INO80D: variants seen among roughly 807,000 people sequenced by gnomAD.
INO80D encodes INO80 complex subunit D.
INO80D carries 21 observed loss-of-function variants against 87.6 expected under a neutral mutation model. The observed-to-expected ratio is 0.24, with a 90% CI of 0.17 to 0.35. INO80D has a LOEUF of 0.35. Ranked by LOEUF, INO80D falls within the 10% of genes least tolerant of loss-of-function variation. The pLI is 1.00. For missense variants in INO80D, 982 were observed against 1,280.7 expected (o/e 0.77, Z 3.56); for synonymous variants, 440 against 491.0 (o/e 0.90, Z 1.37).
chr2:206,010,986 C>T (rs1013162416), intron 8 of INO80D, among the ~76,000 whole-genome samples: 1 of 149,290 alleles, frequency 6.7e-6, no homozygotes, highest in Non-Finnish European at 1.5e-5. Context: ...GCTGAGGCAA[C>T]GGAATTGCTT....
intron 9 of INO80D, chr2:206,007,835 A>AC (rs1264999185): frequency 1.3e-5 from 2 of 154,180 alleles, no homozygotes; most frequent in African/African-American, 2.4e-5. Context: ...AAAAAAAACA[A>AC]CCAAAATCAA....
chr2:206,019,865 G>A lies in INO80D; in HGVS notation c.1299-20C>T. 1 of 1,584,176 alleles carries A rather than the reference G, an allele frequency of 6.3e-7. No homozygotes were observed. On this transcript the variant is annotated intron_variant, in intron 6 of 10. Transcript: ENST00000403263. Reference sequence around the variant, plus strand: ...CTTATGCTAAGGAAAGAAAAACAGAGAATTAATTTTTTTTTAATGCTTTAA... The same window carrying A: ...CTTATGCTAAGGAAAGAAAAACAGAAAATTAATTTTTTTTTAATGCTTTAA...
At chr2:206,039,119 TG>T (rs1159836135) in intron 5 of INO80D, among the ~76,000 whole-genome samples, 9 of 152,144 alleles carry the variant, frequency 5.9e-5, no homozygotes, top group Non-Finnish European at 1.3e-4. Context: ...ATAAAGGGGC[TG>T]GGGGCGGTAC....
chr2:206,023,958 C>A (rs1445334305), intron 6 of INO80D, among the ~76,000 whole-genome samples: 1 of 152,128 alleles, frequency 6.6e-6, no homozygotes, highest in Non-Finnish European at 1.5e-5. Flanking sequence ...CAGTTTTCCA[C>A]ACAAATACCA....
chr2:206,075,955 G>C (rs1490567380), intron 1 of INO80D, among the ~76,000 whole-genome samples: 1 of 151,204 alleles, frequency 6.6e-6, no homozygotes, highest in African/African-American at 2.4e-5. Flanking sequence ...TGGAGGCTGA[G>C]ACAGGAAAAC....
intron 1 of INO80D, among the ~76,000 whole-genome samples, chr2:206,064,446 T>TA (rs1689762868): frequency 6.6e-6 from 1 of 152,150 alleles, no homozygotes; most frequent in African/African-American, 2.4e-5. Context: ...AGTCCAGAAA[T>TA]ACTCTCTGTT....
At chr2:206,025,556 TATATATATATATAA>T (rs1210872031) in intron 6 of INO80D, 3 of 126,748 alleles carry the variant, frequency 2.4e-5, no homozygotes, top group Non-Finnish European at 3.4e-5. Context: ...TATATATATA[TATATATATATATAA>T]AATAACTAAA....
intron 4 of INO80D, among the ~76,000 whole-genome samples, chr2:206,052,879 G>T (rs1426477975): frequency 1.3e-5 from 2 of 151,842 alleles, no homozygotes; most frequent in Non-Finnish European, 2.9e-5. Flanking sequence ...AGAGCTTTAT[G>T]GTTTCCTTAT....
Position 206,056,535 on chromosome 2 carries a change from G to GTGCTGCTGCGGAGGC in INO80D, c.612_626dup (p.Gln204_Gln208dup). 1.9e-6 allele frequency: 3 copies of GTGCTGCTGCGGAGGC among 1,613,336 alleles called. No individual in the cohort carries two copies. Among genetic ancestry groups the GTGCTGCTGCGGAGGC allele is most frequent in the Non-Finnish European group, 2.5e-6 (3 of 1,179,588 alleles). Reference sequence around the variant, plus strand: ...AAGTAGATAAAGGTGACAGGTGGGAGTGCTGCTGCGGAGGCTGCTGCTGTG... The same window carrying GTGCTGCTGCGGAGGC: ...AAGTAGATAAAGGTGACAGGTGGGAGTGCTGCTGCGGAGGCTGCTGCTGCGGAGGCTGCTGCTGTG... On this transcript the variant is annotated inframe_insertion, in exon 4 of 11. Coordinates refer to ENST00000403263, the MANE Select transcript of INO80D (RefSeq NM_017759.5).
chr2:206,067,621 T>C (rs1263096094), intron 1 of INO80D, among the ~76,000 whole-genome samples: 12 of 152,154 alleles, frequency 7.9e-5, no homozygotes, highest in Non-Finnish European at 7.4e-5. Context: ...TTGAAAATTA[T>C]AAAACATAAA....
In INO80D at chr2:206,004,849, G is replaced by A. The variant is rs369494721; in HGVS notation, c.2603C>T (p.Ala868Val). ...AAGTTGGGTTGGGAGCAAGTGCTGC[G>A]CCATGATGGGCATCTCTGCTGAAAA... ...ATFSAEMPIM[A>V]QHLLPTQLEV... Residue 868 changes from alanine to valine, a missense_variant, in exon 11 of 11, where the codon GCG becomes GTG. By Grantham distance (64) the Ala-to-Val change is moderately conservative. Transcript: ENST00000403263. This position sits in a 1 kb window ranked among gnomAD's most constrained non-coding sequence, Gnocchi z 4.9. 5.8e-5 allele frequency: 93 copies of A among 1,613,900 alleles called. No individual in the cohort carries two copies. The highest frequency in any genetic ancestry group is 1.2e-4 in the Admixed American group (7 of 60,004).
intron 8 of INO80D, among the ~76,000 whole-genome samples, chr2:206,012,902 T>C (rs925281029): frequency 6.7e-6 from 1 of 150,062 alleles, no homozygotes; most frequent in South Asian, 2.1e-4. Flanking sequence ...AGCCTAGATT[T>C]GCACATACTT....
intron 5 of INO80D, among the ~76,000 whole-genome samples, chr2:206,038,752 G>GACA (rs963450888): frequency 3.3e-5 from 5 of 152,130 alleles, no homozygotes; most frequent in Non-Finnish European, 5.9e-5. Context: ...AGGATGGCTT[G>GACA]AGCCTGGAAG....
intron 1 of INO80D, among the ~76,000 whole-genome samples, chr2:206,077,882 A>G (rs1349461363): frequency 6.6e-6 from 1 of 151,888 alleles, no homozygotes; most frequent in Non-Finnish European, 1.5e-5. Context: ...CTTTCTGACC[A>G]GTCAGTGAGT....
intron 8 of INO80D, among the ~76,000 whole-genome samples, chr2:206,013,848 T>TAAA (rs34453361): frequency 5.1e-5 from 6 of 117,988 alleles, no homozygotes; most frequent in South Asian, 5.9e-4. Context: ...TGAGTAAGCT[T>TAAA]AAAAAAAAAA....
intron 5 of INO80D, among the ~76,000 whole-genome samples, chr2:206,033,782 C>A (rs921603101): frequency 4.6e-5 from 7 of 151,902 alleles, no homozygotes; most frequent in African/African-American, 1.7e-4. Flanking sequence ...CAAAAAAATA[C>A]AAAAGATAAA....
chr2:206,048,886 C>G (rs1401685647), intron 4 of INO80D, among the ~76,000 whole-genome samples: 1 of 152,124 alleles, frequency 6.6e-6, no homozygotes, highest in Non-Finnish European at 1.5e-5. Flanking sequence ...GGTGACAGAG[C>G]AAGGCCCTGT....
intron 9 of INO80D, among the ~76,000 whole-genome samples, chr2:206,008,498 C>A (rs1688087299): frequency 6.6e-6 from 1 of 151,836 alleles, no homozygotes; most frequent in African/African-American, 2.4e-5. Context: ...CCAGGCTGGT[C>A]TCGAACTCCT....
chr2:206,029,870 A>G (rs1328272476), intron 5 of INO80D, among the ~76,000 whole-genome samples: 2 of 152,248 alleles, frequency 1.3e-5, no homozygotes, highest in Non-Finnish European at 2.9e-5. Flanking sequence ...AAAAGAATAA[A>G]AACAGTAACA....
Sources: allele counts gnomAD v4.1 joint callset (sites outside exome capture counted in the v4.1 genomes callset), GRCh38; gene constraint gnomAD v4.1.1; non-coding constraint Gnocchi (gnomAD v3.1); transcripts MANE v1.5; gene names NCBI Gene and HGNC (gene_info 2026-07-23, HGNC 2026-07-21).